ITPA: variants seen among roughly 807,000 people sequenced by gnomAD.
ITPA encodes inosine triphosphate pyrophosphatase.
A neutral mutation model predicts 29.6 loss-of-function variants in ITPA; 29 were observed. The observed-to-expected ratio is 0.98, with a 90% CI of 0.73 to 1.34. The LOEUF is 1.34. Among genes scored for constraint, ITPA ranks in the 40% most tolerant of loss-of-function variants. The probability of loss-of-function intolerance (pLI) is 0.00; values close to 1 mark genes in which losing one functional copy is unlikely to be tolerated. For missense variants in ITPA, 241 were observed against 251.5 expected (o/e 0.96, Z 0.28); for synonymous variants, 103 against 99.3 (o/e 1.04, Z -0.22).
At chr20:3,205,882 CTG>C (rs1404021243), upstream of ITPA, among the ~76,000 whole-genome samples, 1 of 151,466 alleles carries the variant, frequency 6.6e-6, no homozygotes, top group African/African-American at 2.4e-5. Context: ...TGATGAAATC[CTG>C]TCTCTACTAA....
At chr20:3,204,456 AGCCGCG>A, upstream of ITPA, 2 of 1,411,280 alleles carry the variant, frequency 1.4e-6, no homozygotes, top group East Asian at 5.0e-5. Context: ...CACGCGCAGG[AGCCGCG>A]GCGCGACGGT....
Position 3,223,526 on chromosome 20 carries a change from G to T in ITPA, c.*64G>T. On this transcript the variant is annotated 3_prime_UTR_variant, in exon 8 of 8. Transcript: ENST00000380113. ...GGGGAGGGCTAGCCCAAAACCTCCC[G>T]CATCGGGCAGGCACCCCCTGAAGTA... 6 of 1,260,206 alleles carry T rather than the reference G, an allele frequency of 4.8e-6. No homozygotes were observed. Among genetic ancestry groups the T allele is most frequent in the South Asian group, 1.3e-5 (1 of 79,702 alleles). 78.1% of individuals were successfully genotyped at this position (1,260,206 alleles called of 1,614,324 possible). A position where few individuals can be genotyped will look rare whatever the true frequency, so the allele number is the denominator to read the frequency against.
chr20:3,210,014 G>A (rs1211381532), intron 1 of ITPA, among the ~76,000 whole-genome samples: 1 of 152,238 alleles, frequency 6.6e-6, no homozygotes, highest in Admixed American at 6.5e-5. Context: ...AGGACCCAGA[G>A]AGGGCGTGGG....
intron 6 of ITPA, among the ~76,000 whole-genome samples, chr20:3,219,470 C>T (rs1012658708): frequency 2.0e-5 from 3 of 151,888 alleles, no homozygotes; most frequent in South Asian, 2.1e-4. Flanking sequence ...TGAGGCCGGG[C>T]GTGATGGCTC....
downstream of ITPA, among the ~76,000 whole-genome samples, chr20:3,224,276 C>T (rs749433822): frequency 6.6e-6 from 1 of 152,256 alleles, no homozygotes; most frequent in African/African-American, 2.4e-5. Context: ...GTTCAGCCTG[C>T]GGGCTGCAGG....
chr20:3,214,169 C>A, intron 4 of ITPA, 111 bp downstream of exon 4: 1 of 935,204 alleles, frequency 1.1e-6, no homozygotes, highest in Non-Finnish European at 1.7e-6. Context: ...GCATCAACAG[C>A]CTTTCACGTT....
chr20:3,212,436 C>T (rs1183132591), intron 1 of ITPA, among the ~76,000 whole-genome samples: 6 of 151,948 alleles, frequency 3.9e-5, no homozygotes, highest in African/African-American at 1.5e-4. Flanking sequence ...TCCTCCTGCC[C>T]CAGCCTCTTG....
At chr20:3,205,279 G>C (rs1028100230), upstream of ITPA, among the ~76,000 whole-genome samples, 34 of 151,796 alleles carry the variant, frequency 2.2e-4, no homozygotes, top group African/African-American at 8.0e-4. Flanking sequence ...TAGGAGGAGG[G>C]AAGCGGGTTG....
At chr20:3,220,060 A>C (rs1235055471) in intron 6 of ITPA, among the ~76,000 whole-genome samples, 1 of 147,138 alleles carries the variant, frequency 6.8e-6, no homozygotes, top group Non-Finnish European at 1.5e-5. Context: ...AAAAAAAAAA[A>C]AACAAACCTT....
chr20:3,215,235 G>A (rs1230865248), intron 4 of ITPA, 46 bp from the exon 5 acceptor site: 1 of 1,600,544 alleles, frequency 6.2e-7, no homozygotes, highest in African/African-American at 1.3e-5. Context: ...GTGGTAAGAA[G>A]ATCCAGCTGC....
chr20:3,220,122 C>T (rs1237002714), intron 6 of ITPA, among the ~76,000 whole-genome samples: 1 of 151,750 alleles, frequency 6.6e-6, no homozygotes, highest in Non-Finnish European at 1.5e-5. Flanking sequence ...ACACCCCCTA[C>T]TGCCTATCAC....
At chr20:3,225,142 G>A (rs1196110427), downstream of ITPA, among the ~76,000 whole-genome samples, 1 of 152,188 alleles carries the variant, frequency 6.6e-6, no homozygotes, top group African/African-American at 2.4e-5. Flanking sequence ...AATGGAGGCT[G>A]CAGTGAGCCG....
chr20:3,217,968 A>G (rs1410250040), intron 5 of ITPA, among the ~76,000 whole-genome samples: 3 of 146,498 alleles, frequency 2.0e-5, no homozygotes, highest in South Asian at 2.2e-4. Context: ...CCCAGGCTGG[A>G]GTGCAGTGGC....
chr20:3,223,176 G>A (rs2067510396), intron 7 of ITPA, among the ~76,000 whole-genome samples, 190 bp from the exon 8 acceptor site: 1 of 152,192 alleles, frequency 6.6e-6, no homozygotes, highest in Non-Finnish European at 1.5e-5. Flanking sequence ...GGGGGTTTCT[G>A]CCTACAGGGG....
Position 3,218,806 on chromosome 20 carries a change from T to C in ITPA, c.411+174T>C, listed in dbSNP as rs551355263. ...GCATAGGTAGAAGTGCTGTGGATCCTAGGAGGGTGGTGGAAAGGGTTCCCT... is the reference window on the plus strand; with the variant it reads ...GCATAGGTAGAAGTGCTGTGGATCCCAGGAGGGTGGTGGAAAGGGTTCCCT... On this transcript the variant is annotated intron_variant, in intron 6 of 7. Transcript: ENST00000380113. 4.5e-6 allele frequency: 3 copies of C among 662,292 alleles called. No individual in the cohort carries two copies. In the East Asian group the frequency reaches 8.3e-5, roughly 18 times the overall value. The allele number at this position is 662,292 out of a possible 1,614,324, so 41.0% of individuals were successfully genotyped here.
At chr20:3,217,486 T>A (rs12480483) in intron 5 of ITPA, among the ~76,000 whole-genome samples, 1 of 152,176 alleles carries the variant, frequency 6.6e-6, no homozygotes, top group African/African-American at 2.4e-5. Flanking sequence ...TTTTAATTTT[T>A]TTTGGAGACA....
In ITPA at chr20:3,217,941, G is replaced by A. The variant is rs1373350146; in HGVS notation, c.296-576G>A. On this transcript the variant is annotated intron_variant, in intron 5 of 7. Transcript: ENST00000380113. ...GTTTTTGTTTTTTCTTTCCTGAGAT[G>A]GAGTCTCGCTCTGTCGCCCAGGCTG... 1.1e-4 allele frequency among the ~76,000 whole-genome samples: 15 copies of A among 139,900 alleles called. No homozygotes were observed. In the Admixed American group the frequency reaches 1.1e-3, roughly 10 times the overall value. 91.8% of individuals were successfully genotyped at this position (139,900 alleles called of 152,430 possible). A position where few individuals can be genotyped will look rare whatever the true frequency, so the allele number is the denominator to read the frequency against.
At chr20:3,218,418 T>G in intron 5 of ITPA, 99 bp from the exon 6 acceptor site, 1 of 849,738 alleles carries the variant, frequency 1.2e-6, no homozygotes, top group Non-Finnish European at 2.0e-6. Flanking sequence ...ATTTCCCCTT[T>G]TAGGGAATTC....
chr20:3,208,622 C>T (rs1488833120), upstream of ITPA, among the ~76,000 whole-genome samples: 4 of 152,188 alleles, frequency 2.6e-5, no homozygotes, highest in Non-Finnish European at 5.9e-5. Flanking sequence ...GTGATCCACT[C>T]GCCTCAGCCT....
Sources: gnomAD v4.1 joint callset for allele counts (sites outside exome capture counted in the v4.1 genomes callset) on GRCh38, gnomAD v4.1.1 for gene constraint, MANE v1.5 for transcripts, NCBI Gene and HGNC (gene_info 2026-07-23, HGNC 2026-07-21) for gene names.